The following DUX4 variants were observed in gnomAD, a reference collection of about 807,000 sequenced individuals.
DUX4 encodes the protein double homeobox 4.
downstream of DUX4, chr4:190,175,966 G>A (rs1249034920): frequency 9.1e-6 from 1 of 110,084 alleles, no homozygotes; most frequent in Non-Finnish European, 2.1e-5. Context: ...GAACTCCATA[G>A]TAGACTGAAC....
downstream of DUX4, among the ~76,000 whole-genome samples, chr4:190,177,740 T>G (rs1742383177): frequency 7.1e-4 from 94 of 133,314 alleles, no homozygotes; most frequent in East Asian, 1.1e-3. Context: ...ACAATGCCCC[T>G]GTAGGCAGAG....
chr4:190,177,050 A>G (rs1444661489), downstream of DUX4, among the ~76,000 whole-genome samples: 1 of 136,304 alleles, frequency 7.3e-6, no homozygotes, highest in Non-Finnish European at 1.7e-5. Context: ...ATATGTCACA[A>G]ATCCCCCTCT....
intron 1 of DUX4, among the ~76,000 whole-genome samples, chr4:190,181,199 C>T (rs1742551697): frequency 6.6e-6 from 1 of 152,098 alleles, no homozygotes; most frequent in African/African-American, 2.4e-5. Flanking sequence ...CCTGGGTGAT[C>T]AGTGCAGAGA....
intron 1 of DUX4, among the ~76,000 whole-genome samples, chr4:190,181,208 G>T (rs1742552101): frequency 0.021 from 1,767 of 83,576 alleles, 1 homozygote; most frequent in South Asian, 0.034. Flanking sequence ...TCAGTGCAGA[G>T]ATATGTCACA....
intron 1 of DUX4, among the ~76,000 whole-genome samples, chr4:190,181,565 C>T (rs1742582351): frequency 0.012 from 746 of 63,408 alleles, no homozygotes; most frequent in East Asian, 0.025. Context: ...TCACTATGCC[C>T]CGTAGGCAGA....
chr4:190,176,515 G>T (rs1742310007), downstream of DUX4, among the ~76,000 whole-genome samples: 1 of 106,260 alleles, frequency 9.4e-6, no homozygotes. Context: ...TCCCGTGTAG[G>T]CAGAGCCTAG....
rs1319149224 is a variant in DUX4 at position 190,175,813 on chromosome 4, T to G, written c.*403T>G. 2 of 149,966 alleles carry G rather than the reference T, an allele frequency of 1.3e-5. 1 individual carries two copies. Among genetic ancestry groups the G allele is most frequent in the East Asian group, 6.5e-4 (2 of 3,082 alleles). The allele number at this position is 149,966 out of a possible 1,614,324, so 9.3% of individuals were successfully genotyped here. A position where few individuals can be genotyped will look rare whatever the true frequency, so the allele number is the denominator to read the frequency against. The stretch of plus-strand genomic sequence containing the variant: ...CTCCTGGATGATTAGTTCAGAGATA[T>G]ATTAAAATGCCCCCTCCCTGTGGAT... On this transcript the variant is annotated 3_prime_UTR_variant, in exon 2 of 2. Transcript: ENST00000565211.
At chr4:190,177,858 A>AT (rs1742390573), downstream of DUX4, among the ~76,000 whole-genome samples, 18 of 104,810 alleles carry the variant, frequency 1.7e-4, no homozygotes, top group East Asian at 7.8e-4. Context: ...ATCAGTGCAG[A>AT]GATATGTCAC....
rs1742274787 is a variant in DUX4, at chr4:190,175,798, A to G, written c.*388A>G. Reference sequence around the variant, plus strand: ...GGATTAGAGTTACATCTCCTGGATGATTAGTTCAGAGATATATTAAAATGC... The same window carrying G: ...GGATTAGAGTTACATCTCCTGGATGGTTAGTTCAGAGATATATTAAAATGC... On this transcript the variant is annotated 3_prime_UTR_variant, in exon 2 of 2. Transcript: ENST00000565211. The G allele has an allele frequency of 1.3e-5, 2 of 152,162 alleles. 1 individual carries two copies. The highest frequency in any genetic ancestry group is 2.6e-5 in the Non-Finnish European group (2 of 77,590). The allele number at this position is 152,162 out of a possible 1,614,324, so 9.4% of individuals were successfully genotyped here.
downstream of DUX4, among the ~76,000 whole-genome samples, chr4:190,176,107 C>G (rs1742292257): frequency 2.7e-5 from 3 of 112,710 alleles, no homozygotes; most frequent in African/African-American, 7.8e-5. Context: ...CTCCTGTAGG[C>G]AGAGTGTAGG....
intron 1 of DUX4, chr4:190,182,045 T>C (rs1426934161): frequency 8.6e-6 from 1 of 116,576 alleles, no homozygotes; most frequent in African/African-American, 2.5e-5. Context: ...AGTGCCCCCA[T>C]AGGCAGAGCC....
downstream of DUX4, among the ~76,000 whole-genome samples, chr4:190,179,467 AAG>A (rs1579835558): frequency 2.4e-4 from 36 of 149,374 alleles, no homozygotes; most frequent in East Asian, 5.9e-4. Context: ...GATCCTAGAG[AAG>A]AGTTATATCA....
chr4:190,178,953 A>AAAAAGCCCCATC (rs1742466279), downstream of DUX4, among the ~76,000 whole-genome samples: 1 of 77,860 alleles, frequency 1.3e-5, no homozygotes, highest in South Asian at 4.4e-4. Context: ...TCAGTGCAGA[A>AAAAAGCCCCATC]ATACGTCACA....
intron 1 of DUX4, among the ~76,000 whole-genome samples, chr4:190,181,735 C>T (rs1742592502): frequency 4.7e-4 from 64 of 137,172 alleles, no homozygotes; most frequent in Non-Finnish European, 6.7e-4. Context: ...GTTACATCAC[C>T]TGGGTGATCA....
At chr4:190,175,897 T>G (rs1402686463), downstream of DUX4, 2 of 129,302 alleles carry the variant, frequency 1.5e-5, 1 homozygote, top group African/African-American at 5.3e-5. Flanking sequence ...CAATATCCCC[T>G]GTAGAAAAAG....
downstream of DUX4, among the ~76,000 whole-genome samples, chr4:190,177,963 C>T (rs1579833544): frequency 3.3e-3 from 256 of 78,056 alleles, no homozygotes; most frequent in Admixed American, 6.0e-3. Flanking sequence ...AGAGCCTAGA[C>T]AAGAGTTACA....
downstream of DUX4, among the ~76,000 whole-genome samples, chr4:190,176,723 G>A (rs1457337713): frequency 4.6e-3 from 487 of 104,834 alleles, 19 homozygotes; most frequent in African/African-American, 0.012. Context: ...CATGTAGGCA[G>A]ATCTAAGACA....
At chr4:190,177,094 G>T (rs1441529458), downstream of DUX4, among the ~76,000 whole-genome samples, 3,481 of 75,752 alleles carry the variant, frequency 0.046, no homozygotes, top group South Asian at 0.068. Context: ...CATCACCTGG[G>T]TGATCAGTGC....
chr4:190,175,927 A>G (rs1367570226), downstream of DUX4: 1 of 124,100 alleles, frequency 8.1e-6, no homozygotes, highest in African/African-American at 2.7e-5. Flanking sequence ...GATTTACAGA[A>G]CTTCGGTGAT....
Sources: allele counts gnomAD v4.1 joint callset (sites outside exome capture counted in the v4.1 genomes callset), GRCh38; gene constraint gnomAD v4.1.1; transcripts MANE v1.5; gene names NCBI Gene and HGNC (gene_info 2026-07-23, HGNC 2026-07-21).